WWOX: variants seen among roughly 807,000 people sequenced by gnomAD.
The protein encoded by WWOX is WW domain-containing oxidoreductase.
WWOX carries 69 observed loss-of-function variants against 46.2 expected under a neutral mutation model. That is an observed-to-expected ratio of 1.49 (90% CI 1.23 to 1.82). The LOEUF (loss-of-function observed/expected upper bound fraction) is 1.82. Ranked by LOEUF, WWOX falls within the 40% of genes most tolerant of loss-of-function variation. The pLI is 0.00. For missense variants in WWOX, 919 were observed against 542.6 expected (o/e 1.69, Z -6.89); for synonymous variants, 359 against 202.6 (o/e 1.77, Z -6.56).
At chr16:78,865,677 C>T (rs1028109734) in intron 8 of WWOX, among the ~76,000 whole-genome samples, 5 of 152,156 alleles carry the variant, frequency 3.3e-5, no homozygotes, top group South Asian at 2.1e-4. Context: ...GTCAGGAGTT[C>T]GACACCAGCC....
intron 5 of WWOX, among the ~76,000 whole-genome samples, chr16:78,183,478 C>T (rs2151755692): frequency 6.6e-6 from 1 of 152,296 alleles, no homozygotes; most frequent in South Asian, 2.1e-4. Context: ...AGGTTGGAAT[C>T]CTGGCTGCGC....
rs144620582 is a variant in WWOX, at chr16:78,902,409, C to G, written c.1057-309199C>G. Among the ~76,000 whole-genome samples the G allele has an allele frequency of 4.8e-3, 724 of 152,348 alleles. 2 individuals carry two copies. The highest frequency in any genetic ancestry group is 8.2e-3 in the Non-Finnish European group (556 of 68,038). ...GGACAAGGGGACGGTGACTTTTTCT[C>G]TTGTATCCAGCAGCGCCACGCGGGG... On this transcript the variant is annotated intron_variant, in intron 8 of 8. Coordinates refer to ENST00000566780, the MANE Select transcript of WWOX (RefSeq NM_016373.4).
intron 8 of WWOX, among the ~76,000 whole-genome samples, chr16:78,539,287 C>T (rs1038860993): frequency 2.0e-5 from 3 of 152,230 alleles, no homozygotes; most frequent in Non-Finnish European, 4.4e-5. Flanking sequence ...GAGCCTTGTC[C>T]TACTGGTAAA....
intron 5 of WWOX, among the ~76,000 whole-genome samples, chr16:78,325,393 A>G (rs1403219922): frequency 6.6e-6 from 1 of 152,202 alleles, no homozygotes; most frequent in Non-Finnish European, 1.5e-5. Flanking sequence ...GTTCTATTGC[A>G]GTATTTAATG....
chr16:78,337,660 T>A lies in WWOX; in HGVS notation c.517-49200T>A, dbSNP rs543463955. Among the ~76,000 whole-genome samples, 16 of 152,332 alleles carry A rather than the reference T, an allele frequency of 1.1e-4. No individual in the cohort carries two copies. In the South Asian group the frequency reaches 3.3e-3, roughly 32 times the overall value. ...CCCCTGAAAGTGTTATTAAAAGTAC[T>A]ATCTGGCCATGTCCTCATTTCCCCA... On this transcript the variant is annotated intron_variant, in intron 5 of 8. Transcript: ENST00000566780.
At position 79,070,268 on chromosome 16, in the gene WWOX, A is replaced by ATGTGTGTG. The variant is rs4035490; in HGVS notation, c.1057-141308_1057-141301dup. Among the ~76,000 whole-genome samples the ATGTGTGTG allele has an allele frequency of 8.1e-3, 1,175 of 145,168 alleles. 6 individuals carry two copies. The highest frequency in any genetic ancestry group is 0.021 in the Middle Eastern group (6 of 290). ...GTTTGTTCTTAGGAATGTGTTTCTG[A>ATGTGTGTG]TGTGTGTGTGTGTGTGTGTGTGTGT... On this transcript the variant is annotated intron_variant, in intron 8 of 8. Transcript: ENST00000566780.
intron 8 of WWOX, among the ~76,000 whole-genome samples, chr16:78,913,770 T>C (rs1236983059): frequency 6.6e-6 from 1 of 151,542 alleles, no homozygotes; most frequent in Non-Finnish European, 1.5e-5. Flanking sequence ...GAAGCCATCC[T>C]CCCACCGTAG....
At chr16:78,128,793 C>G (rs559286064) in intron 4 of WWOX, among the ~76,000 whole-genome samples, 2 of 152,342 alleles carry the variant, frequency 1.3e-5, no homozygotes, top group East Asian at 3.9e-4. Context: ...TGTCTTCCAA[C>G]TGCCTTTGAT....
At chr16:78,620,498 C>G (rs567978030) in intron 8 of WWOX, among the ~76,000 whole-genome samples, 1 of 152,230 alleles carries the variant, frequency 6.6e-6, no homozygotes, top group African/African-American at 2.4e-5. Context: ...GCAGAGCTGC[C>G]TTGGTCATGT....
intron 8 of WWOX, among the ~76,000 whole-genome samples, chr16:78,995,803 C>A (rs1393938058): frequency 6.6e-6 from 1 of 152,172 alleles, no homozygotes; most frequent in African/African-American, 2.4e-5. Context: ...AAAGGGGCAT[C>A]ATTGCAAGTG....
intron 4 of WWOX, among the ~76,000 whole-genome samples, chr16:78,150,076 G>A (rs2034346280): frequency 6.6e-6 from 1 of 152,186 alleles, no homozygotes; most frequent in Non-Finnish European, 1.5e-5. Flanking sequence ...TCAAATGCCA[G>A]TAGCAAGTTC....
chr16:78,740,348 C>T (rs1018881456), intron 8 of WWOX, among the ~76,000 whole-genome samples: 5 of 152,178 alleles, frequency 3.3e-5, no homozygotes, highest in African/African-American at 9.7e-5. Flanking sequence ...CAAGCAGCCT[C>T]TCTTGAAGCA....
intron 1 of WWOX, among the ~76,000 whole-genome samples, chr16:78,105,690 G>A (rs112342128): frequency 1.5e-4 from 23 of 152,350 alleles, no homozygotes; most frequent in African/African-American, 5.3e-4. Context: ...CCAGGCATGA[G>A]GCTACATGTC....
At chr16:78,225,028 A>C (rs1337347870) in intron 5 of WWOX, among the ~76,000 whole-genome samples, 1 of 152,228 alleles carries the variant, frequency 6.6e-6, no homozygotes, top group Non-Finnish European at 1.5e-5. Context: ...TATGTATATC[A>C]CAGGTACAGT....
chr16:78,491,867 A>G (rs75463488), intron 8 of WWOX, among the ~76,000 whole-genome samples: 1 of 152,136 alleles, frequency 6.6e-6, no homozygotes, highest in African/African-American at 2.4e-5. Flanking sequence ...TCCCCTTTAC[A>G]CATTGCCGTT....
intron 5 of WWOX, among the ~76,000 whole-genome samples, chr16:78,372,066 A>G (rs564082509): frequency 2.0e-5 from 3 of 152,178 alleles, no homozygotes; most frequent in Admixed American, 6.5e-5. Flanking sequence ...TCTCACGGCT[A>G]TGCCTAATTG....
intron 8 of WWOX, among the ~76,000 whole-genome samples, chr16:78,524,273 T>A (rs2043410114): frequency 6.6e-6 from 1 of 152,218 alleles, no homozygotes; most frequent in Non-Finnish European, 1.5e-5. Flanking sequence ...GACACAGCCA[T>A]GATGAGCAAT....
chr16:78,997,999 C>T (rs980931113), intron 8 of WWOX, among the ~76,000 whole-genome samples: 1 of 152,216 alleles, frequency 6.6e-6, no homozygotes, highest in South Asian at 2.1e-4. Flanking sequence ...GCCTCAGCCT[C>T]CCGAGTAGCT....
chr16:78,568,256 G>A (rs967625322), intron 8 of WWOX, among the ~76,000 whole-genome samples: 1 of 151,944 alleles, frequency 6.6e-6, no homozygotes, highest in Non-Finnish European at 1.5e-5. Context: ...GAAAATATAT[G>A]AGGTACGGGA....
Sources: gnomAD v4.1 joint callset for allele counts (sites outside exome capture counted in the v4.1 genomes callset) on GRCh38, gnomAD v4.1.1 for gene constraint, MANE v1.5 for transcripts, NCBI Gene and HGNC (gene_info 2026-07-23, HGNC 2026-07-21) for gene names.